Variants in INTS9 observed in about 807,000 individuals in gnomAD.
INTS9 encodes the protein integrator complex subunit 9, also known as protein related to CPSF subunits of 74 kDa.
A neutral mutation model predicts 79.7 loss-of-function variants in INTS9; 55 were observed. The ratio of observed to expected loss-of-function variants is 0.69; its 90% CI spans 0.56 to 0.86. The LOEUF (loss-of-function observed/expected upper bound fraction) is 0.86, where lower values mean the gene tolerates loss of function less well. Ranked by LOEUF, INTS9 falls within the 40% of genes least tolerant of loss-of-function variation. The pLI, the probability that INTS9 is intolerant of heterozygous loss-of-function variation, is 0.00. For synonymous variants in INTS9, 319 were observed against 325.2 expected, an observed-to-expected ratio of 0.98 and a Z score of 0.20; for missense variants, 721 against 831.5, an observed-to-expected ratio of 0.87 and a Z score of 1.64.
chr8:28,775,951 G>A (rs372066824), intron 13 of INTS9, 25 bp from the exon 14 acceptor site: 1 of 1,522,084 alleles, frequency 6.6e-7, no homozygotes, highest in Non-Finnish European at 8.8e-7. Flanking sequence ...GGACAGTTGA[G>A]AAAGGTGGTG....
At chr8:28,817,040 G>C (rs1265158810) in intron 6 of INTS9, among the ~76,000 whole-genome samples, 1 of 149,206 alleles carries the variant, frequency 6.7e-6, no homozygotes, top group Non-Finnish European at 1.5e-5. Context: ...GTTCATTGTA[G>C]ATTCTGGATA....
chr8:28,853,965 C>T (rs546003084), intron 2 of INTS9, among the ~76,000 whole-genome samples: 253 of 152,082 alleles, frequency 1.7e-3, no homozygotes, highest in Middle Eastern at 6.8e-3. Context: ...GTGATCTGCC[C>T]GCGCCTCAGC....
rs149685676 is a variant in INTS9 at position 28,780,938 on chromosome 8, G to A, written c.1155C>T (p.Asn385=). ...ACACCACACAGGGCTGTCTAAAGTC[G>A]TTGCTGAAGTCTCCGTGGATGCTGG... ...HYPSIHGDFS[N]DFRQPCVVFT... The change falls in exon 12 of 17, where the codon AAC becomes AAT. Residue 385 remains asparagine, a synonymous_variant. Transcript: ENST00000521022. 6.0e-4 allele frequency: 968 copies of A among 1,614,124 alleles called. 11 individuals carry two copies. The East Asian group carries it at 0.014, about 24-fold the overall frequency.
At chr8:28,877,115 G>C (rs899402848) in intron 1 of INTS9, among the ~76,000 whole-genome samples, 12 of 152,006 alleles carry the variant, frequency 7.9e-5, no homozygotes, top group African/African-American at 2.9e-4. Flanking sequence ...AAAAATCTAA[G>C]TTTTATACAA....
chr8:28,800,423 C>A (rs1340424024), intron 8 of INTS9, among the ~76,000 whole-genome samples: 1 of 152,050 alleles, frequency 6.6e-6, no homozygotes, highest in Non-Finnish European at 1.5e-5. Flanking sequence ...AAAGAGAGTG[C>A]AATTGGTAAA....
intron 1 of INTS9, among the ~76,000 whole-genome samples, chr8:28,878,838 G>C (rs1585527033): frequency 6.6e-6 from 1 of 152,116 alleles, no homozygotes; most frequent in East Asian, 1.9e-4. Flanking sequence ...AAATTAGCCA[G>C]GTGTGGTGGC....
intron 4 of INTS9, among the ~76,000 whole-genome samples, chr8:28,841,886 G>A (rs906581440): frequency 1.3e-5 from 2 of 152,156 alleles, no homozygotes; most frequent in Non-Finnish European, 2.9e-5. Flanking sequence ...AGGAGTTTGA[G>A]ACCAGCCTGG....
At position 28,780,954 on chromosome 8, in the gene INTS9, T is replaced by C. The variant is rs1563246365; in HGVS notation, c.1139A>G (p.His380Arg). The C allele has an allele frequency of 1.9e-6, 3 of 1,613,920 alleles. No homozygotes were observed. The highest frequency in any genetic ancestry group is 3.3e-5 in the Admixed American group (2 of 59,984). Residue 380 changes from histidine (H) to arginine (R), a missense_variant, in exon 12 of 17, where the codon CAC becomes CGC. Physicochemically the swap from His to Arg is conservative, Grantham distance 29. Coordinates refer to ENST00000521022, the MANE Select transcript of INTS9 (RefSeq NM_018250.4). ...TCTAAAGTCGTTGCTGAAGTCTCCG[T>C]GGATGCTGGGGTAGTGCTTCAGCTT... ...TNKLKHYPSI[H>R]GDFSNDFRQP...
At chr8:28,791,020 T>G (rs978708751) in intron 10 of INTS9, among the ~76,000 whole-genome samples, 2 of 152,228 alleles carry the variant, frequency 1.3e-5, no homozygotes, top group African/African-American at 4.8e-5. Flanking sequence ...CACTAGAAAT[T>G]GTGGTGTCAA....
chr8:28,778,475 G>GTT (rs1326950031), intron 12 of INTS9, among the ~76,000 whole-genome samples: 1 of 152,216 alleles, frequency 6.6e-6, no homozygotes, highest in Non-Finnish European at 1.5e-5. Flanking sequence ...TCAGCTCTGA[G>GTT]TTAACGCCCA....
chr8:28,780,572 C>T, intron 12 of INTS9: 3 of 985,450 alleles, frequency 3.0e-6, no homozygotes, highest in Non-Finnish European at 3.6e-6. Context: ...AGCAAAAGCA[C>T]TCAGCAGGAT....
intron 6 of INTS9, among the ~76,000 whole-genome samples, chr8:28,814,491 C>A (rs1023317147): frequency 6.6e-6 from 1 of 152,050 alleles, no homozygotes; most frequent in African/African-American, 2.4e-5. Context: ...AAAAATATGG[C>A]AACTGAAAAC....
At chr8:28,768,479 T>C in intron 16 of INTS9, 157 bp from the exon 17 acceptor site, 1 of 683,552 alleles carries the variant, frequency 1.5e-6, no homozygotes, top group Non-Finnish European at 2.5e-6. Flanking sequence ...GATAGTTTCT[T>C]ATACTTGAAA....
chr8:28,831,529 C>G (rs1333720707), intron 6 of INTS9, among the ~76,000 whole-genome samples: 1 of 152,174 alleles, frequency 6.6e-6, no homozygotes, highest in Non-Finnish European at 1.5e-5. Context: ...CCCTAGCCTT[C>G]TCCTCCTTTA....
At chr8:28,840,959 T>TA (rs1262038493) in intron 4 of INTS9, among the ~76,000 whole-genome samples, 2,515 of 121,502 alleles carry the variant, frequency 0.021, 41 homozygotes, top group African/African-American at 0.054. Flanking sequence ...ATAAATAAAG[T>TA]AAAAAAAAAA....
chr8:28,855,815 C>T (rs1181300400), intron 2 of INTS9, among the ~76,000 whole-genome samples: 2 of 152,062 alleles, frequency 1.3e-5, no homozygotes, highest in African/African-American at 4.8e-5. Context: ...GATTTTTGTA[C>T]CATGGTTATG....
intron 11 of INTS9, 91 bp downstream of exon 11, chr8:28,787,738 A>T: frequency 1.2e-6 from 1 of 857,948 alleles, no homozygotes; most frequent in Non-Finnish European, 1.9e-6. Flanking sequence ...TTTACACAGC[A>T]ATCTATTTCA....
chr8:28,775,567 G>T (rs1322230600), intron 14 of INTS9, among the ~76,000 whole-genome samples, 192 bp downstream of exon 14: 1 of 152,150 alleles, frequency 6.6e-6, no homozygotes, highest in East Asian at 1.9e-4. Context: ...GGCCAGGCTG[G>T]TCTCGAACTC....
At chr8:28,888,066 T>C (rs1356361134) in intron 1 of INTS9, among the ~76,000 whole-genome samples, 1 of 152,228 alleles carries the variant, frequency 6.6e-6, no homozygotes, top group African/African-American at 2.4e-5. Context: ...ACAGGGTCCA[T>C]GCTTTAGCCA....
Sources: gnomAD v4.1 joint callset for allele counts (sites outside exome capture counted in the v4.1 genomes callset) on GRCh38, gnomAD v4.1.1 for gene constraint, MANE v1.5 for transcripts, NCBI Gene and HGNC (gene_info 2026-07-23, HGNC 2026-07-21) for gene names.